Variants in OGN observed in about 807,000 individuals in gnomAD.
OGN encodes osteoglycin.
In OGN, 19 loss-of-function variants were observed where a neutral mutation model predicts 30.8. The observed-to-expected ratio is 0.62, with a 90% CI of 0.43 to 0.90. The LOEUF is 0.90. Among genes scored for constraint, OGN ranks in the 40% least tolerant of loss-of-function variants. The probability of loss-of-function intolerance (pLI) is 0.00; values close to 1 mark genes in which losing one functional copy is unlikely to be tolerated. For missense variants in OGN, 283 were observed against 349.7 expected (o/e 0.81, Z 1.52); for synonymous variants, 126 against 128.3 (o/e 0.98, Z 0.12).
rs375126745 is a variant in OGN at position 92,385,895 on chromosome 9, A to C, written c.727-105T>G. The C allele has an allele frequency of 6.0e-6, 6 of 994,324 alleles. No homozygotes were observed. The East Asian group carries it at 1.2e-4, about 20-fold the overall frequency. The allele number at this position is 994,324 out of a possible 1,614,324, so 61.6% of individuals were successfully genotyped here. A position where few individuals can be genotyped will look rare whatever the true frequency, so the allele number is the denominator to read the frequency against. ...AAGTCAGAGGTCTGAGTGCCCCCTCACTTCAAATCCTTGTGTCAAATTAAT... is the reference window on the plus strand; with the variant it reads ...AAGTCAGAGGTCTGAGTGCCCCCTCCCTTCAAATCCTTGTGTCAAATTAAT... On this transcript the variant is annotated intron_variant, in intron 6 of 6. Coordinates refer to ENST00000375561, the MANE Select transcript of OGN (RefSeq NM_014057.5).
chr9:92,386,319 G>A (rs746613465), intron 5 of OGN, 23 bp from the exon 6 acceptor site: 1 of 1,458,958 alleles, frequency 6.9e-7, no homozygotes, highest in East Asian at 2.3e-5. Flanking sequence ...TTTCATGTGA[G>A]TGTTATTGAG....
chr9:92,397,087 G>A (rs971783427), intron 3 of OGN, among the ~76,000 whole-genome samples: 1 of 151,946 alleles, frequency 6.6e-6, no homozygotes, highest in African/African-American at 2.4e-5. Flanking sequence ...TGAGGCAGGA[G>A]GATTGCTGGA....
At chr9:92,397,898 TC>T in intron 3 of OGN, among the ~76,000 whole-genome samples, 1 of 152,338 alleles carries the variant, frequency 6.6e-6, no homozygotes, top group East Asian at 1.9e-4. Context: ...GAGAAACATT[TC>T]TATATTTCTG....
chr9:92,388,436 A>T (rs1842526450), intron 5 of OGN, among the ~76,000 whole-genome samples: 1 of 152,054 alleles, frequency 6.6e-6, no homozygotes, highest in African/African-American at 2.4e-5. Context: ...TGCTGGGATT[A>T]TAGGCGTGAG....
chr9:92,404,421 T>G lies in OGN; in HGVS notation c.-76+75A>C, dbSNP rs997657859. The G allele has an allele frequency of 3.5e-5, 34 of 970,798 alleles. No individual in the cohort carries two copies. In the East Asian group the frequency reaches 2.5e-3, roughly 70 times the overall value. 60.1% of individuals were successfully genotyped at this position (970,798 alleles called of 1,614,324 possible). A position where few individuals can be genotyped will look rare whatever the true frequency, so the allele number is the denominator to read the frequency against. ...CTTAAACCAGAGATGGCCTTTACAT[T>G]TATTAAGACTATTAGATGAGTCAGT... On this transcript the variant is annotated intron_variant, in intron 1 of 6. Coordinates refer to ENST00000375561, the MANE Select transcript of OGN (RefSeq NM_014057.5).
chr9:92,390,655 T>G (rs1453608365), intron 4 of OGN, among the ~76,000 whole-genome samples: 1 of 152,160 alleles, frequency 6.6e-6, no homozygotes. Flanking sequence ...TGTTTCTTAT[T>G]CACAGGAATC....
Position 92,389,883 on chromosome 9 carries a change from T to A in OGN, c.601A>T (p.Ser201Cys). The A allele has an allele frequency of 2.5e-6, 4 of 1,612,708 alleles. No individual in the cohort carries two copies. The highest frequency in any genetic ancestry group is 3.4e-6 in the Non-Finnish European group (4 of 1,179,110). ...LFNAKYNKIK[S>C]RGIKANAFKK... Reference sequence around the variant, plus strand: ...AATGCATTTGCTTTGATTCCCCTACTCTTGATTTTGTTGTATTTTGCATTA... The same window carrying A: ...AATGCATTTGCTTTGATTCCCCTACACTTGATTTTGTTGTATTTTGCATTA... The change falls in exon 5 of 7, where the codon AGT (serine) becomes TGT (cysteine). Residue 201 changes from serine (S) to cysteine (C), a missense_variant. Physicochemically the swap from Ser to Cys is moderately radical, Grantham distance 112 (BLOSUM62 -1). Coordinates refer to ENST00000375561, the MANE Select transcript of OGN (RefSeq NM_014057.5).
intron 2 of OGN, among the ~76,000 whole-genome samples, chr9:92,402,737 C>T (rs1843169466): frequency 6.6e-6 from 1 of 152,114 alleles, no homozygotes; most frequent in South Asian, 2.1e-4. Flanking sequence ...GTTTTTGGTA[C>T]TGTATGTAGA....
Position 92,404,492 on chromosome 9 carries a change from C to G in OGN, c.-76+4G>C. 2 of 1,283,180 alleles carry G rather than the reference C, an allele frequency of 1.6e-6. No homozygotes were observed. The highest frequency in any genetic ancestry group is 2.0e-6 in the Non-Finnish European group (2 of 981,548). 79.5% of individuals were successfully genotyped at this position (1,283,180 alleles called of 1,614,324 possible). On this transcript the variant is annotated splice_donor_region_variant and intron_variant, in intron 1 of 6. Transcript: ENST00000375561. ...TTAAAATAATATATGAAAAGTAAGC[C>G]TACCGTTGTAGCTGTTTTGAAGTTT...
intron 3 of OGN, among the ~76,000 whole-genome samples, chr9:92,397,964 A>G (rs181233026): frequency 6.6e-6 from 1 of 152,098 alleles, no homozygotes; most frequent in Admixed American, 6.5e-5. Flanking sequence ...TTCCAAACCA[A>G]CTCCACAGTG....
At chr9:92,398,809 G>A (rs767780392) in intron 3 of OGN, among the ~76,000 whole-genome samples, 2 of 152,070 alleles carry the variant, frequency 1.3e-5, no homozygotes, top group Non-Finnish European at 2.9e-5. Context: ...GGTGGCTCAC[G>A]CCTGTAATAC....
intron 1 of OGN, 107 bp downstream of exon 1, chr9:92,404,389 A>T (rs1034549313): frequency 1.6e-6 from 1 of 634,854 alleles, no homozygotes; most frequent in Admixed American, 5.0e-5. Context: ...AATTGAGGTA[A>T]CTGAAACTTA....
upstream of OGN, chr9:92,404,635 T>C (rs1197431261): frequency 7.8e-7 from 1 of 1,277,696 alleles, no homozygotes; most frequent in African/African-American, 1.6e-5. Flanking sequence ...GCCCAGCAGC[T>C]TTAAGAACAG....
At chr9:92,385,846 C>T in intron 6 of OGN, 56 bp from the exon 7 acceptor site, 1 of 1,564,208 alleles carries the variant, frequency 6.4e-7, no homozygotes, top group African/African-American at 1.4e-5. Context: ...CTTTCATATG[C>T]TATATAATGG....
intron 5 of OGN, among the ~76,000 whole-genome samples, chr9:92,388,167 T>C (rs1842512489): frequency 6.6e-6 from 1 of 150,394 alleles, no homozygotes; most frequent in African/African-American, 2.5e-5. Flanking sequence ...GATCAGCTCC[T>C]TTTTTTTTGG....
At chr9:92,386,758 G>A (rs1301276555) in intron 5 of OGN, among the ~76,000 whole-genome samples, 1 of 152,072 alleles carries the variant, frequency 6.6e-6, no homozygotes, top group East Asian at 1.9e-4. Flanking sequence ...GTGCTTGTAT[G>A]TTTTTAGTAG....
intron 5 of OGN, among the ~76,000 whole-genome samples, chr9:92,389,028 T>C (rs757566316): frequency 6.6e-6 from 1 of 152,134 alleles, no homozygotes; most frequent in Non-Finnish European, 1.5e-5. Context: ...AGATTGTACA[T>C]TTTTTGACAG....
chr9:92,388,185 A>G (rs1842513557), intron 5 of OGN, among the ~76,000 whole-genome samples: 1 of 150,434 alleles, frequency 6.6e-6, no homozygotes, highest in Non-Finnish European at 1.5e-5. Flanking sequence ...TGGAGACTGA[A>G]TCTTGCTCTG....
intron 4 of OGN, among the ~76,000 whole-genome samples, chr9:92,390,544 C>G (rs1161458781): frequency 6.7e-6 from 1 of 150,032 alleles, no homozygotes; most frequent in Non-Finnish European, 1.5e-5. Flanking sequence ...TAAAGTGACA[C>G]AGATTGAGAG....
Sources: allele counts gnomAD v4.1 joint callset (sites outside exome capture counted in the v4.1 genomes callset), GRCh38; gene constraint gnomAD v4.1.1; transcripts MANE v1.5; gene names NCBI Gene and HGNC (gene_info 2026-07-23, HGNC 2026-07-21).